Variants in SNX13 observed in about 807,000 individuals in gnomAD.
SNX13 encodes the protein sorting nexin 13, also known as sorting nexin-13.
In SNX13, 45 loss-of-function variants were observed where a neutral mutation model predicts 133.6. The observed-to-expected ratio is 0.34, with a 90% confidence interval of 0.27 to 0.43. SNX13 has a LOEUF of 0.43. Ranked by LOEUF, SNX13 falls within the 20% of genes least tolerant of loss-of-function variation. The pLI, the probability that SNX13 is intolerant of heterozygous loss-of-function variation, is 1.00. For synonymous variants in SNX13, 414 were observed against 373.9 expected (o/e 1.11, Z -1.24); for missense variants, 1,032 against 1,145.1 (o/e 0.90, Z 1.43).
intron 5 of SNX13, chr7:17,888,737 G>C (rs559667278): frequency 1.9e-5 from 9 of 470,804 alleles, no homozygotes; most frequent in South Asian, 1.1e-4. Context: ...TTGGTACAAA[G>C]TATGCCCAAA....
chr7:17,871,630 A>T (rs1461689273), intron 8 of SNX13, among the ~76,000 whole-genome samples: 3 of 152,174 alleles, frequency 2.0e-5, no homozygotes, highest in Non-Finnish European at 2.9e-5. Context: ...AGTCTGTTTA[A>T]CCAGAATTCC....
rs528497986 is a variant in SNX13, at chr7:17,794,142, C to G, written c.2777G>C (p.Arg926Pro). ...LETLFPQYKF[R>P]ELFNKLHSRS... Reference sequence around the variant, plus strand: ...TGAATGCAGTTTGTTGAAAAGTTCACGGAATTTATACTGTGGAAATAAGGT... The same window carrying G: ...TGAATGCAGTTTGTTGAAAAGTTCAGGGAATTTATACTGTGGAAATAAGGT... The change falls in exon 26 of 26, where the codon CGT becomes CCT. Residue 926 changes from arginine to proline, a missense_variant. By Grantham distance (103) the Arg-to-Pro change is moderately radical. Transcript: ENST00000428135. 6.2e-7 allele frequency: 1 copy of G among 1,611,420 alleles called. No individual in the cohort carries two copies. The highest frequency in any genetic ancestry group is 1.3e-5 in the African/African-American group (1 of 74,790).
chr7:17,902,982 T>C (rs988273226), intron 1 of SNX13, among the ~76,000 whole-genome samples: 30 of 152,076 alleles, frequency 2.0e-4, no homozygotes, highest in Non-Finnish European at 4.4e-5. Context: ...CTTGAAACCA[T>C]CCCCTCCACC....
rs551752794 is a variant in SNX13 at position 17,905,862 on chromosome 7, G to A, written c.13-8416C>T. Among the ~76,000 whole-genome samples, 4 of 152,302 alleles carry A rather than the reference G, an allele frequency of 2.6e-5. No individual in the cohort carries two copies. The South Asian group carries it at 6.2e-4, about 24-fold the overall frequency. On this transcript the variant is annotated intron_variant, in intron 1 of 25. Transcript: ENST00000428135. Reference sequence around the variant, plus strand: ...TCACTCTCTTCCAGACTGGAATGCAGTGGTGCCATCACAGCTTAATGCAGC... The same window carrying A: ...TCACTCTCTTCCAGACTGGAATGCAATGGTGCCATCACAGCTTAATGCAGC...
At chr7:17,849,168 C>T (rs530836405) in intron 11 of SNX13, among the ~76,000 whole-genome samples, 1 of 152,274 alleles carries the variant, frequency 6.6e-6, no homozygotes, top group East Asian at 1.9e-4. Flanking sequence ...AATTAAAATA[C>T]CCAAAACTCA....
chr7:17,824,010 T>TA (rs1056476282), intron 17 of SNX13, among the ~76,000 whole-genome samples: 8 of 151,506 alleles, frequency 5.3e-5, no homozygotes, highest in Admixed American at 5.3e-4. Context: ...GGTAATTATT[T>TA]AAAAAAAATG....
intron 1 of SNX13, among the ~76,000 whole-genome samples, chr7:17,922,626 A>T (rs899133049): frequency 6.6e-6 from 1 of 152,204 alleles, no homozygotes; most frequent in Non-Finnish European, 1.5e-5. Context: ...ATTAATTGGC[A>T]TCATAACATT....
intron 7 of SNX13, among the ~76,000 whole-genome samples, chr7:17,874,882 T>C (rs988259052): frequency 6.6e-6 from 1 of 152,250 alleles, no homozygotes; most frequent in African/African-American, 2.4e-5. Context: ...TTAGGAAATA[T>C]TTTATGGTAA....
intron 20 of SNX13, among the ~76,000 whole-genome samples, chr7:17,805,236 TGTGTGTGTGTGTGTGC>T (rs901650199): frequency 8.0e-4 from 91 of 113,338 alleles, no homozygotes; most frequent in African/African-American, 2.6e-3. Context: ...TGTGTGTGTG[TGTGTGTGTGTGTGTGC>T]GTGCGCGCGC....
In SNX13 at chr7:17,805,211, TTG is replaced by T. The variant is rs55946438; in HGVS notation, c.2065-1633_2065-1632del. 8.0e-3 allele frequency among the ~76,000 whole-genome samples: 944 copies of T among 118,504 alleles called. 14 individuals carry two copies. The highest frequency in any genetic ancestry group is 0.023 in the Middle Eastern group (6 of 258). The allele number at this position is 118,504 out of a possible 152,430, so 77.7% of individuals were successfully genotyped here. The stretch of plus-strand genomic sequence containing the variant: ...AGTCTCACGTTTGGCTAATGATTCT[TTG>T]TGTGTGTGTGTGTGTGTGTGTGTGT... On this transcript the variant is annotated intron_variant, in intron 20 of 25. Coordinates refer to ENST00000428135, the MANE Select transcript of SNX13 (RefSeq NM_015132.5).
chr7:17,840,079 G>A, intron 12 of SNX13, 79 bp from the exon 13 acceptor site: 1 of 1,228,834 alleles, frequency 8.1e-7, no homozygotes, highest in East Asian at 2.6e-5. Context: ...GACAAGTAAA[G>A]AAGGATTAAA....
At chr7:17,931,114 C>A (rs1801348009) in intron 1 of SNX13, among the ~76,000 whole-genome samples, 1 of 152,130 alleles carries the variant, frequency 6.6e-6, no homozygotes, top group Non-Finnish European at 1.5e-5. Flanking sequence ...AAGTGTTGAG[C>A]AGTTGGGTAC....
At chr7:17,814,481 C>A (rs1255538159) in intron 20 of SNX13, among the ~76,000 whole-genome samples, 1 of 151,854 alleles carries the variant, frequency 6.6e-6, no homozygotes, top group Non-Finnish European at 1.5e-5. Context: ...CAGAACATAT[C>A]CTGCTTAATA....
chr7:17,800,212 C>G (rs1052776284), intron 22 of SNX13, among the ~76,000 whole-genome samples: 4 of 151,630 alleles, frequency 2.6e-5, no homozygotes, highest in Non-Finnish European at 5.9e-5. Flanking sequence ...GGATATTATA[C>G]CATCAATAAA....
At chr7:17,827,487 A>G (rs1241899998) in intron 16 of SNX13, among the ~76,000 whole-genome samples, 1 of 151,982 alleles carries the variant, frequency 6.6e-6, no homozygotes, top group African/African-American at 2.4e-5. Flanking sequence ...AATTAAGGCA[A>G]TTGCATTCTA....
At chr7:17,927,150 T>A (rs1800838766) in intron 1 of SNX13, among the ~76,000 whole-genome samples, 1 of 151,148 alleles carries the variant, frequency 6.6e-6, no homozygotes, top group South Asian at 2.1e-4. Context: ...TTGACATATA[T>A]ATACATTACA....
intron 4 of SNX13, 139 bp downstream of exon 4, chr7:17,891,407 T>C: frequency 1.9e-6 from 1 of 528,150 alleles, no homozygotes; most frequent in Non-Finnish European, 3.2e-6. Context: ...AGGAAGCATC[T>C]TCAAGTATAA....
At chr7:17,902,615 T>G (rs1245433793) in intron 1 of SNX13, among the ~76,000 whole-genome samples, 1 of 152,220 alleles carries the variant, frequency 6.6e-6, no homozygotes, top group Admixed American at 6.5e-5. Context: ...GGTAATTTTC[T>G]TCTATATAAG....
chr7:17,907,096 A>G (rs765780902), intron 1 of SNX13, among the ~76,000 whole-genome samples: 18 of 152,286 alleles, frequency 1.2e-4, no homozygotes, highest in Admixed American at 2.6e-4. Flanking sequence ...ATAATAGAAA[A>G]AAATCCTCCC....
Sources: allele counts gnomAD v4.1 joint callset (sites outside exome capture counted in the v4.1 genomes callset), GRCh38; gene constraint gnomAD v4.1.1; transcripts MANE v1.5; gene names NCBI Gene and HGNC (gene_info 2026-07-23, HGNC 2026-07-21).